RBM39: variants seen among roughly 807,000 people sequenced by gnomAD.
RBM39 encodes the protein RNA-binding protein 39.
Under a neutral mutation model 79.6 loss-of-function variants are expected in RBM39, and 12 were observed. That is an observed-to-expected ratio of 0.15 (90% CI 0.10 to 0.24). The LOEUF is 0.24. Ranked by LOEUF, RBM39 falls within the 10% of genes least tolerant of loss-of-function variation. The probability of loss-of-function intolerance (pLI) is 1.00; values close to 1 mark genes in which losing one functional copy is unlikely to be tolerated. For missense variants in RBM39, 243 were observed against 653.4 expected, an observed-to-expected ratio of 0.37 and a Z score of 6.85; for synonymous variants, 185 against 208.4, an observed-to-expected ratio of 0.89 and a Z score of 0.97.
intron 4 of RBM39, among the ~76,000 whole-genome samples, chr20:35,730,388 C>T (rs191601495): frequency 6.6e-6 from 1 of 151,968 alleles, no homozygotes; most frequent in African/African-American, 2.4e-5. Flanking sequence ...GCCTGTGATC[C>T]ACACATTTGA....
At chr20:35,729,653 A>G in intron 4 of RBM39, 126 bp from the exon 5 acceptor site, 2 of 802,848 alleles carry the variant, frequency 2.5e-6, no homozygotes, top group East Asian at 5.3e-5. Context: ...TATGAAGAGG[A>G]AACAAAAATA....
intron 1 of RBM39, 143 bp from the exon 2 acceptor site, chr20:35,741,030 C>CTTTTTTTTTTTTTTTTTTTGTTTTT (rs2040452910): frequency 8.4e-6 from 1 of 118,628 alleles, no homozygotes; most frequent in African/African-American, 5.2e-5. Context: ...AAACATTTTT[C>CTTTTTTTTTTTTTTTTTTTGTTTTT]TTTTTTTTTT....
intron 15 of RBM39, 96 bp downstream of exon 15, chr20:35,705,129 T>C (rs186867532): frequency 1.3e-6 from 1 of 754,002 alleles, no homozygotes; most frequent in African/African-American, 1.8e-5. Context: ...AAAACTATAA[T>C]GGAAGACGGT....
At chr20:35,725,827 C>G (rs2038612283) in intron 6 of RBM39, among the ~76,000 whole-genome samples, 1 of 151,702 alleles carries the variant, frequency 6.6e-6, no homozygotes, top group African/African-American at 2.4e-5. Context: ...CCACACCCAG[C>G]TAATTTTTGT....
intron 6 of RBM39, among the ~76,000 whole-genome samples, chr20:35,726,411 G>A (rs895362161): frequency 3.9e-5 from 6 of 152,274 alleles, no homozygotes; most frequent in Middle Eastern, 3.4e-3. Context: ...GATTGTAGGC[G>A]TCAGCCACCA....
chr20:35,720,812 G>T (rs537607961), intron 9 of RBM39, among the ~76,000 whole-genome samples: 1 of 152,168 alleles, frequency 6.6e-6, no homozygotes, highest in African/African-American at 2.4e-5. Context: ...ATCAGAAGTG[G>T]GTCACATACT....
In RBM39 at chr20:35,702,431, C is replaced by T. The variant is rs1411178966; in HGVS notation, c.*2050G>A. ...AACATTATTTACACACCAAATTTCA[C>T]TCTGGTAGCAACTAAATTTTGGCAC... On this transcript the variant is annotated 3_prime_UTR_variant, in exon 17 of 17. Transcript: ENST00000253363. The T allele has an allele frequency of 6.6e-6, 1 of 152,214 alleles. No homozygotes were observed. The highest frequency in any genetic ancestry group is 2.1e-4 in the South Asian group (1 of 4,832). 9.4% of individuals were successfully genotyped at this position (152,214 alleles called of 1,614,324 possible). A position where few individuals can be genotyped will look rare whatever the true frequency, so the allele number is the denominator to read the frequency against.
At chr20:35,711,826 C>T (rs1209926818) in intron 12 of RBM39, among the ~76,000 whole-genome samples, 1 of 152,146 alleles carries the variant, frequency 6.6e-6, no homozygotes, top group Non-Finnish European at 1.5e-5. Context: ...TTCTCAGTTA[C>T]AGTCTCACTT....
At chr20:35,715,039 A>G (rs2036934752) in intron 10 of RBM39, among the ~76,000 whole-genome samples, 1 of 152,232 alleles carries the variant, frequency 6.6e-6, no homozygotes, top group South Asian at 2.1e-4. Context: ...AATGACCAGT[A>G]AGTTAAACAG....
chr20:35,706,590 G>C (rs377507912), intron 14 of RBM39, among the ~76,000 whole-genome samples: 1 of 152,090 alleles, frequency 6.6e-6, no homozygotes, highest in Non-Finnish European at 1.5e-5. Context: ...TTAAAAAATA[G>C]CATTCTAATC....
At chr20:35,724,426 CAA>C in intron 8 of RBM39, 142 bp downstream of exon 8, 1 of 686,506 alleles carries the variant, frequency 1.5e-6, no homozygotes, top group Admixed American at 3.5e-5. Context: ...TTAATAAACG[CAA>C]AGTTAAAAAA....
intron 6 of RBM39, among the ~76,000 whole-genome samples, chr20:35,728,068 T>G (rs1483637679): frequency 6.6e-6 from 1 of 152,204 alleles, no homozygotes; most frequent in Non-Finnish European, 1.5e-5. Flanking sequence ...ATTACCCGCG[T>G]GAGCCACCGG....
chr20:35,735,553 T>G (rs879307644), intron 3 of RBM39, among the ~76,000 whole-genome samples: 2 of 152,216 alleles, frequency 1.3e-5, no homozygotes, highest in Admixed American at 1.3e-4. Context: ...GAATGAAAAA[T>G]GCAACACGGC....
At chr20:35,711,929 C>T (rs6058304) in intron 12 of RBM39, among the ~76,000 whole-genome samples, 15,898 of 151,920 alleles carry the variant, frequency 0.1, 861 homozygotes, top group South Asian at 0.14. Context: ...CAGGTCTCTA[C>T]TAAAAATACA....
rs113512030 is a variant in RBM39 at position 35,728,606 on chromosome 20, G to A, written c.416+706C>T. 1.3e-4 allele frequency among the ~76,000 whole-genome samples: 19 copies of A among 151,930 alleles called. 1 individual carries two copies. Among genetic ancestry groups the A allele is most frequent in the African/African-American group, 4.1e-4 (17 of 41,436 alleles). On this transcript the variant is annotated intron_variant, in intron 6 of 16. Coordinates refer to ENST00000253363, the MANE Select transcript of RBM39 (RefSeq NM_184234.3). Reference sequence around the variant, plus strand: ...AGCCTGACCAACATGGTGAAACCCCGTCTCTACTTAAAATACAAAAATTTG... The same window carrying A: ...AGCCTGACCAACATGGTGAAACCCCATCTCTACTTAAAATACAAAAATTTG...
chr20:35,728,192 C>T (rs958601271), intron 6 of RBM39, among the ~76,000 whole-genome samples: 1 of 152,184 alleles, frequency 6.6e-6, no homozygotes, highest in Non-Finnish European at 1.5e-5. Context: ...TAGTTTTCCT[C>T]AGGACAGCCA....
intron 1 of RBM39, chr20:35,741,616 G>C (rs1416982276): frequency 6.6e-6 from 1 of 152,208 alleles, no homozygotes; most frequent in African/African-American, 2.4e-5. Context: ...TGCCATTTTA[G>C]GGGCAAAGAG....
At chr20:35,728,200 C>T (rs1182958668) in intron 6 of RBM39, among the ~76,000 whole-genome samples, 1 of 152,092 alleles carries the variant, frequency 6.6e-6, no homozygotes, top group East Asian at 1.9e-4. Flanking sequence ...CTCAGGACAG[C>T]CAAATAGTAA....
chr20:35,736,484 A>T (rs1174475570), intron 3 of RBM39: 4 of 420,304 alleles, frequency 9.5e-6, no homozygotes, highest in Non-Finnish European at 2.0e-5. Flanking sequence ...ATATTTTCTC[A>T]TCTGTTTTAT....
Sources: gnomAD v4.1 joint callset for allele counts (sites outside exome capture counted in the v4.1 genomes callset) on GRCh38, gnomAD v4.1.1 for gene constraint, MANE v1.5 for transcripts, NCBI Gene and HGNC (gene_info 2026-07-23, HGNC 2026-07-21) for gene names.